The following PDGFB variants were observed in gnomAD, a reference collection of about 807,000 sequenced individuals.
PDGFB encodes platelet derived growth factor subunit B.
PDGFB carries 6 observed loss-of-function variants against 29.0 expected under a neutral mutation model. The ratio of observed to expected loss-of-function variants is 0.21; its 90% confidence interval spans 0.11 to 0.41. The LOEUF (loss-of-function observed/expected upper bound fraction) is 0.41, where lower values mean the gene tolerates loss of function less well. PDGFB is among the 10% of genes least tolerant of loss of function. The probability of loss-of-function intolerance (pLI) is 1.00; values close to 1 mark genes in which losing one functional copy is unlikely to be tolerated. For missense variants in PDGFB, 299 were observed against 341.8 expected, an observed-to-expected ratio of 0.87 and a Z score of 0.99; for synonymous variants, 144 against 140.8, an observed-to-expected ratio of 1.02 and a Z score of -0.16.
intron 5 of PDGFB, among the ~76,000 whole-genome samples, chr22:39,228,063 C>T (rs942120299): frequency 3.9e-5 from 6 of 152,174 alleles, no homozygotes; most frequent in Non-Finnish European, 5.9e-5. Flanking sequence ...AGTGACAACA[C>T]GCAGATCTGA....
rs1932107789 is a variant in PDGFB at position 39,224,085 on chromosome 22, G to C, written c.*1257C>G. 1 of 152,290 alleles carries C rather than the reference G, an allele frequency of 6.6e-6. No individual in the cohort carries two copies. The allele number at this position is 152,290 out of a possible 1,614,324, so 9.4% of individuals were successfully genotyped here. ...CACCCACCTGGAAGGGCAGTTGCTGGAGCAGAGGACTTTGGGAAATGGAGG... is the reference window on the plus strand; with the variant it reads ...CACCCACCTGGAAGGGCAGTTGCTGCAGCAGAGGACTTTGGGAAATGGAGG... On this transcript the variant is annotated 3_prime_UTR_variant, in exon 7 of 7. Coordinates refer to ENST00000331163, the MANE Select transcript of PDGFB (RefSeq NM_002608.4).
chr22:39,244,126 G>T lies in PDGFB; in HGVS notation c.-163C>A, dbSNP rs1932638491. On this transcript the variant is annotated 5_prime_UTR_variant, in exon 1 of 7. Coordinates refer to ENST00000331163, the MANE Select transcript of PDGFB (RefSeq NM_002608.4). The surrounding 1 kb of genome is among the most constrained non-coding windows in gnomAD (Gnocchi z 4.5). The stretch of plus-strand genomic sequence containing the variant: ...CGCGGCTCACCCGCATGGCCCCCGG[G>T]CGCCGCCGCCCCCGGCCCCGGCTCC... 1 of 328,600 alleles carries T rather than the reference G, an allele frequency of 3.0e-6. No homozygotes were observed. Among genetic ancestry groups the T allele is most frequent in the Non-Finnish European group, 5.4e-6 (1 of 183,692 alleles). 20.4% of individuals were successfully genotyped at this position (328,600 alleles called of 1,614,324 possible). A position where few individuals can be genotyped will look rare whatever the true frequency, so the allele number is the denominator to read the frequency against.
chr22:39,236,845 G>A (rs1932455116), intron 1 of PDGFB, among the ~76,000 whole-genome samples: 1 of 152,186 alleles, frequency 6.6e-6, no homozygotes, highest in Admixed American at 6.5e-5. Flanking sequence ...GGCTGGAACC[G>A]GACTTCCACG....
chr22:39,244,934 GC>G lies in PDGFB; in HGVS notation c.-972del, dbSNP rs989584968. Among the ~76,000 whole-genome samples the G allele has an allele frequency of 1.8e-4, 28 of 152,036 alleles. No individual in the cohort carries two copies. The highest frequency in any genetic ancestry group is 1.1e-3 in the Admixed American group (17 of 15,280). ...GGAGGCAGCGGGGGAGGCTGCGGGTGCGCAGGGAGGCAGGCAGGCCGCTCCC... is the reference window on the plus strand; with the variant it reads ...GGAGGCAGCGGGGGAGGCTGCGGGTGGCAGGGAGGCAGGCAGGCCGCTCCC... On this transcript the variant is annotated 5_prime_UTR_variant, in exon 1 of 7. Transcript: ENST00000331163. This position sits in a 1 kb window ranked among gnomAD's most constrained non-coding sequence, Gnocchi z 4.5.
In PDGFB at chr22:39,242,954, C is replaced by T; in HGVS notation, c.63+947G>A. 1 of 233,174 alleles carries T rather than the reference C, an allele frequency of 4.3e-6. No individual in the cohort carries two copies. The highest frequency in any genetic ancestry group is 8.5e-6 in the Non-Finnish European group (1 of 117,962). 14.4% of individuals were successfully genotyped at this position (233,174 alleles called of 1,614,324 possible). A position where few individuals can be genotyped will look rare whatever the true frequency, so the allele number is the denominator to read the frequency against. On this transcript the variant is annotated intron_variant, in intron 1 of 6. Transcript: ENST00000331163. The surrounding 1 kb of genome is among the most constrained non-coding windows in gnomAD (Gnocchi z 5.7). Reference sequence around the variant, plus strand: ...GATTCCGGGTAGACTTGCCAACTCACGGCTACGTGAGGCTGGGAGGGGTGG... The same window carrying T: ...GATTCCGGGTAGACTTGCCAACTCATGGCTACGTGAGGCTGGGAGGGGTGG...
chr22:39,229,972 C>G (rs1003130292), intron 5 of PDGFB, 112 bp downstream of exon 5: 29 of 1,247,336 alleles, frequency 2.3e-5, no homozygotes, highest in Middle Eastern at 5.6e-4. Context: ...GAAAGCCTCC[C>G]GTGAATTTAA....
intron 1 of PDGFB, chr22:39,241,005 T>G: frequency 1.0e-6 from 1 of 965,346 alleles, no homozygotes; most frequent in East Asian, 2.5e-5. Flanking sequence ...TGACCTGCCC[T>G]TGCACACCTC....
intron 5 of PDGFB, among the ~76,000 whole-genome samples, chr22:39,228,150 G>A (rs1033906779): frequency 7.3e-6 from 1 of 136,834 alleles, no homozygotes; most frequent in African/African-American, 3.0e-5. Flanking sequence ...ATGGACAGGT[G>A]ACAGAAACAC....
intron 3 of PDGFB, among the ~76,000 whole-genome samples, chr22:39,232,157 C>A (rs1932324755): frequency 6.6e-6 from 1 of 152,200 alleles, no homozygotes; most frequent in African/African-American, 2.4e-5. Flanking sequence ...CTATTTTATT[C>A]TTCTTTATGA....
chr22:39,225,122 G>C lies in PDGFB; in HGVS notation c.*220C>G, dbSNP rs1410908345. On this transcript the variant is annotated 3_prime_UTR_variant, in exon 7 of 7. Coordinates refer to ENST00000331163, the MANE Select transcript of PDGFB (RefSeq NM_002608.4). ...GAGTTCAGTCCTTCTTTTTCTTCTT[G>C]AGCTGCTGGGCAAGACGCCGGAGGC... The C allele has an allele frequency of 2.6e-5, 4 of 152,718 alleles. No homozygotes were observed. Among genetic ancestry groups the C allele is most frequent in the Non-Finnish European group, 5.9e-5 (4 of 68,142 alleles). The allele number at this position is 152,718 out of a possible 1,614,324, so 9.5% of individuals were successfully genotyped here.
At chr22:39,233,181 G>T (rs1277125777) in intron 3 of PDGFB, among the ~76,000 whole-genome samples, 1 of 152,190 alleles carries the variant, frequency 6.6e-6, no homozygotes, top group Non-Finnish European at 1.5e-5. Context: ...CTACCTCCAG[G>T]ATTGAAATAA....
At chr22:39,236,102 C>T (rs1399701306) in intron 1 of PDGFB, among the ~76,000 whole-genome samples, 2 of 152,244 alleles carry the variant, frequency 1.3e-5, no homozygotes, top group African/African-American at 2.4e-5. Context: ...CAACCCCCAA[C>T]AGGAACCCCA....
Position 39,231,888 on chromosome 22 carries a change from AGG to A in PDGFB, c.251-63_251-62del. 6.9e-7 allele frequency: 1 copy of A among 1,454,544 alleles called. No homozygotes were observed. The highest frequency in any genetic ancestry group is 1.4e-5 in the African/African-American group (1 of 71,958). The allele number at this position is 1,454,544 out of a possible 1,614,324, so 90.1% of individuals were successfully genotyped here. A position where few individuals can be genotyped will look rare whatever the true frequency, so the allele number is the denominator to read the frequency against. The stretch of plus-strand genomic sequence containing the variant: ...CCTGTCCAGAGTCCCCCCACTTGGC[AGG>A]GGAGCTCAGCGGGTGCCTCCGGGAC... On this transcript the variant is annotated intron_variant, in intron 3 of 6. Coordinates refer to ENST00000331163, the MANE Select transcript of PDGFB (RefSeq NM_002608.4). This position sits in a 1 kb window ranked among gnomAD's most constrained non-coding sequence, Gnocchi z 4.3.
chr22:39,240,894 GTCTCTC>G, intron 1 of PDGFB: 19 of 1,479,606 alleles, frequency 1.3e-5, no homozygotes, highest in East Asian at 2.4e-5. Flanking sequence ...TGCTCAGTCA[GTCTCTC>G]TCTCTCTCTC....
chr22:39,230,833 C>T lies in PDGFB; in HGVS notation c.457-605G>A, dbSNP rs148691639. Among the ~76,000 whole-genome samples, 81 of 152,318 alleles carry T rather than the reference C, an allele frequency of 5.3e-4. 1 individual carries two copies. The highest frequency in any genetic ancestry group is 1.9e-3 in the African/African-American group (78 of 41,580). On this transcript the variant is annotated intron_variant, in intron 4 of 6. Transcript: ENST00000331163. ...AGCAGGCAGAGCATCGGGCAAGGGC[C>T]GGTGCTGAGCTAGAGAAATGCGCAC...
Position 39,230,173 on chromosome 22 carries a change from G to A in PDGFB, c.512C>T (p.Thr171Met), listed in dbSNP as rs779509116. 59 of 1,613,890 alleles carry A rather than the reference G, an allele frequency of 3.7e-5. 1 individual carries two copies. In the South Asian group the frequency reaches 3.7e-4, roughly 10 times the overall value. The part of the protein sequence containing the change: ...KKPIFKKATV[T>M]LEDHLACKCE... ...CTTGCATGCCAGGTGGTCTTCCAGC[G>A]TCACCGTGGCCTTCTTAAAGATTGG... is the stretch of plus-strand genomic sequence containing the variant. The change falls in exon 5 of 7, where the codon ACG becomes ATG. Residue 171 changes from threonine to methionine, a missense_variant. Physicochemically the swap from Thr to Met is moderately conservative, Grantham distance 81 (BLOSUM62 -1). Transcript: ENST00000331163.
rs1932652374 is a variant in PDGFB at position 39,244,715 on chromosome 22, G to C, written c.-752C>G. 1.1e-5 allele frequency: 2 copies of C among 181,266 alleles called. No individual in the cohort carries two copies. Among genetic ancestry groups the C allele is most frequent in the Admixed American group, 6.3e-5 (1 of 15,822 alleles). 11.2% of individuals were successfully genotyped at this position (181,266 alleles called of 1,614,324 possible). ...TGCCCGCCCGCTCGCCGCTCTGGGC[G>C]TCCTCTGCGGGCTGCGGGCTGCGAG... On this transcript the variant is annotated 5_prime_UTR_variant, in exon 1 of 7. Transcript: ENST00000331163. The surrounding 1 kb of genome is among the most constrained non-coding windows in gnomAD (Gnocchi z 4.5).
rs778843558 is a variant in PDGFB at position 39,243,974 on chromosome 22, G to T, written c.-11C>A. The T allele has an allele frequency of 5.7e-6, 9 of 1,578,078 alleles. No individual in the cohort carries two copies. In the Admixed American group the frequency reaches 1.6e-4, roughly 27 times the overall value. On this transcript the variant is annotated 5_prime_UTR_variant, in exon 1 of 7. Transcript: ENST00000331163. The surrounding 1 kb of genome is among the most constrained non-coding windows in gnomAD (Gnocchi z 6.4). ...CCAGCAGCGATTCATGCCGACTCCG[G>T]GCCCGGCCCCGCGGGGCCCCGGACG... is the stretch of plus-strand genomic sequence containing the variant.
intron 2 of PDGFB, among the ~76,000 whole-genome samples, chr22:39,234,377 C>T (rs892992209): frequency 5.3e-5 from 8 of 152,190 alleles, no homozygotes; most frequent in Admixed American, 2.0e-4. Context: ...AGGGAGGCCT[C>T]TGAGCTGGAT....
Sources: allele counts gnomAD v4.1 joint callset (sites outside exome capture counted in the v4.1 genomes callset), GRCh38; gene constraint gnomAD v4.1.1; non-coding constraint Gnocchi (gnomAD v3.1); transcripts MANE v1.5; gene names NCBI Gene and HGNC (gene_info 2026-07-23, HGNC 2026-07-21).